The following SVOPL variants were observed in gnomAD, a reference collection of about 807,000 sequenced individuals.
SVOPL encodes putative transporter SVOPL.
Under a neutral mutation model 61.0 loss-of-function variants are expected in SVOPL, and 60 were observed. That is an observed-to-expected ratio of 0.98 (90% CI 0.80 to 1.22). The LOEUF is 1.22. SVOPL is among the 50% of genes most tolerant of loss of function. The pLI, the probability that SVOPL is intolerant of heterozygous loss-of-function variation, is 0.00. For synonymous variants in SVOPL, 279 were observed against 250.0 expected (o/e 1.12, Z -1.09); for missense variants, 662 against 643.9 (o/e 1.03, Z -0.30).
chr7:138,625,233 G>C (rs1230134913), intron 13 of SVOPL: 2 of 152,108 alleles, frequency 1.3e-5, no homozygotes, highest in Non-Finnish European at 2.9e-5. Flanking sequence ...TTATCTCTGT[G>C]TGGGAGAAAA....
chr7:138,698,744 G>A (rs542302746), intron 1 of SVOPL, among the ~76,000 whole-genome samples: 1 of 152,288 alleles, frequency 6.6e-6, no homozygotes, highest in Non-Finnish European at 1.5e-5. Context: ...ATGTCAATGT[G>A]CCATTGCATC....
rs11379417 is a variant in SVOPL, at chr7:138,599,887, C to CAA, written c.1354-3359_1354-3358dup. 4.8e-3 allele frequency among the ~76,000 whole-genome samples: 528 copies of CAA among 108,908 alleles called. 6 individuals carry two copies. Among genetic ancestry groups the CAA allele is most frequent in the African/African-American group, 0.017 (498 of 29,614 alleles). The allele number at this position is 108,908 out of a possible 152,430, so 71.4% of individuals were successfully genotyped here. ...TGGACGATGGAGCGAGACTCCGTCT[C>CAA]AAAAAAAAAAAAAAAAAGGAAAAAA... On this transcript the variant is annotated intron_variant, in intron 14 of 15. Transcript: ENST00000674285.
At chr7:138,615,150 A>G (rs996889068) in intron 14 of SVOPL, among the ~76,000 whole-genome samples, 3 of 152,158 alleles carry the variant, frequency 2.0e-5, no homozygotes, top group Admixed American at 6.5e-5. Flanking sequence ...TGTCCCTCCA[A>G]AATTCATAGG....
chr7:138,640,249 G>A (rs979094900), intron 9 of SVOPL, among the ~76,000 whole-genome samples: 6 of 147,146 alleles, frequency 4.1e-5, no homozygotes, highest in African/African-American at 1.3e-4. Context: ...TTTATGTTTT[G>A]AGATGGAGTT....
intron 14 of SVOPL, among the ~76,000 whole-genome samples, chr7:138,613,086 C>T (rs561001216): frequency 1.4e-4 from 22 of 152,070 alleles, no homozygotes; most frequent in African/African-American, 4.8e-4. Context: ...GCGGCACAAT[C>T]CTGGCTCACT....
chr7:138,693,561 G>GAAAT (rs1184043520), intron 1 of SVOPL, among the ~76,000 whole-genome samples: 1 of 66,178 alleles, frequency 1.5e-5, no homozygotes, highest in Non-Finnish European at 3.0e-5. Context: ...AAGAAAGAAA[G>GAAAT]AAAGAAAGAA....
intron 14 of SVOPL, among the ~76,000 whole-genome samples, chr7:138,620,129 T>G (rs555268980): frequency 7.6e-5 from 11 of 144,964 alleles, no homozygotes; most frequent in South Asian, 4.4e-4. Context: ...GTTTTGTTTT[T>G]TTTTTTTTTT....
chr7:138,686,787 C>T (rs1156617254), intron 1 of SVOPL, among the ~76,000 whole-genome samples: 1 of 152,024 alleles, frequency 6.6e-6, no homozygotes, highest in African/African-American at 2.4e-5. Context: ...TGGTTTTGAA[C>T]TCTCCACCCC....
chr7:138,602,497 A>C (rs1563080690), intron 14 of SVOPL, among the ~76,000 whole-genome samples: 1 of 150,456 alleles, frequency 6.6e-6, no homozygotes, highest in Non-Finnish European at 1.5e-5. Flanking sequence ...GTGTTTATAC[A>C]CAGACATGTC....
At chr7:138,660,715 G>A (rs921047102) in intron 5 of SVOPL, 5 of 985,216 alleles carry the variant, frequency 5.1e-6, no homozygotes, top group Admixed American at 6.2e-5. Context: ...AAATGTTCAG[G>A]TTAGCAGAAT....
chr7:138,630,313 A>C (rs939809742), intron 9 of SVOPL, among the ~76,000 whole-genome samples, 191 bp from the exon 10 acceptor site: 6 of 152,182 alleles, frequency 3.9e-5, no homozygotes, highest in African/African-American at 1.2e-4. Flanking sequence ...TCTCAGCCAG[A>C]TCTGTCTTTT....
At chr7:138,601,251 CAA>C (rs59761826) in intron 14 of SVOPL, among the ~76,000 whole-genome samples, 1,664 of 99,062 alleles carry the variant, frequency 0.017, 13 homozygotes, top group Middle Eastern at 0.049. Context: ...GATTCCATCT[CAA>C]AAAAAAAAAA....
At chr7:138,626,094 A>T in intron 12 of SVOPL, 44 bp from the exon 13 acceptor site, 2 of 1,596,234 alleles carry the variant, frequency 1.3e-6, no homozygotes, top group Non-Finnish European at 8.6e-7. Context: ...GGCAGCATGG[A>T]GGACCACCTC....
At chr7:138,598,581 C>G (rs1392768942) in intron 14 of SVOPL, among the ~76,000 whole-genome samples, 1 of 152,110 alleles carries the variant, frequency 6.6e-6, no homozygotes, top group Non-Finnish European at 1.5e-5. Flanking sequence ...CTAAAAGGAT[C>G]CTCAAGAGAT....
intron 13 of SVOPL, among the ~76,000 whole-genome samples, chr7:138,622,266 CTATG>C (rs879915530): frequency 0.12 from 9,921 of 85,766 alleles, 729 homozygotes; most frequent in South Asian, 0.21. Flanking sequence ...ATCTATCTAT[CTATG>C]TATCTATCTA....
chr7:138,695,762 ATT>A (rs1185058932), intron 1 of SVOPL, among the ~76,000 whole-genome samples: 2 of 151,864 alleles, frequency 1.3e-5, no homozygotes. Flanking sequence ...ATTTTTATGC[ATT>A]GTTTGAATTT....
intron 5 of SVOPL, 98 bp from the exon 6 acceptor site, chr7:138,660,086 G>A (rs1801937421): frequency 6.6e-7 from 1 of 1,504,866 alleles, no homozygotes; most frequent in Admixed American, 2.1e-5. Flanking sequence ...CATCCTGATA[G>A]TTGCTTCTCT....
At chr7:138,642,333 C>T (rs949609492) in intron 9 of SVOPL, among the ~76,000 whole-genome samples, 29 of 148,878 alleles carry the variant, frequency 1.9e-4, no homozygotes, top group Non-Finnish European at 3.9e-4. Flanking sequence ...ACCCCGCCCC[C>T]GCAAAAGCTT....
At chr7:138,595,517 A>G (rs1342862242) in intron 15 of SVOPL, among the ~76,000 whole-genome samples, 1 of 152,224 alleles carries the variant, frequency 6.6e-6, no homozygotes, top group Non-Finnish European at 1.5e-5. Context: ...TGACTTGAAT[A>G]GGAGATTCTA....
Sources: gnomAD v4.1 joint callset for allele counts (sites outside exome capture counted in the v4.1 genomes callset) on GRCh38, gnomAD v4.1.1 for gene constraint, MANE v1.5 for transcripts, NCBI Gene and HGNC (gene_info 2026-07-23, HGNC 2026-07-21) for gene names.